Variants in DGKB observed in about 807,000 individuals in gnomAD.
DGKB encodes the protein diacylglycerol kinase beta.
Under a neutral mutation model 114.3 loss-of-function variants are expected in DGKB, and 67 were observed. The observed-to-expected ratio is 0.59, with a 90% CI of 0.48 to 0.72. The LOEUF is 0.72. Ranked by LOEUF, DGKB falls within the 30% of genes least tolerant of loss-of-function variation. The pLI, the probability that DGKB is intolerant of heterozygous loss-of-function variation, is 0.00. For missense variants in DGKB, 907 were observed against 975.2 expected, an observed-to-expected ratio of 0.93 and a Z score of 0.93; for synonymous variants, 398 against 323.1, an observed-to-expected ratio of 1.23 and a Z score of -2.49.
At chr7:14,745,491 C>T (rs1292738449) in intron 4 of DGKB, among the ~76,000 whole-genome samples, 1 of 152,190 alleles carries the variant, frequency 6.6e-6, no homozygotes, top group African/African-American at 2.4e-5. Context: ...CTGACCCACT[C>T]AGGTTATTGA....
chr7:14,929,403 T>C (rs1784895575), intron 1 of DGKB, among the ~76,000 whole-genome samples: 1 of 152,110 alleles, frequency 6.6e-6, no homozygotes, highest in East Asian at 1.9e-4. Context: ...TGTTATTTTT[T>C]GATGTGTTAA....
chr7:14,677,837 A>G (rs937995574), intron 12 of DGKB, among the ~76,000 whole-genome samples: 8 of 152,188 alleles, frequency 5.3e-5, no homozygotes, highest in African/African-American at 1.9e-4. Context: ...ATCAGAAGGC[A>G]GTTTTCCACT....
intron 21 of DGKB, among the ~76,000 whole-genome samples, chr7:14,362,094 A>G (rs1199721600): frequency 6.6e-6 from 1 of 152,044 alleles, no homozygotes; most frequent in African/African-American, 2.4e-5. Context: ...TGAACAGATT[A>G]CAGAGATTAG....
intron 4 of DGKB, among the ~76,000 whole-genome samples, chr7:14,744,554 G>T (rs145511014): frequency 6.6e-6 from 1 of 152,138 alleles, no homozygotes; most frequent in Non-Finnish European, 1.5e-5. Flanking sequence ...GTATTTGAGG[G>T]TGCTAACCCA....
At chr7:14,682,312 T>C (rs989046949) in intron 12 of DGKB, among the ~76,000 whole-genome samples, 1 of 152,066 alleles carries the variant, frequency 6.6e-6, no homozygotes, top group Admixed American at 6.6e-5. Context: ...GAACACAGTT[T>C]AAAAACCATA....
intron 21 of DGKB, among the ~76,000 whole-genome samples, chr7:14,428,116 T>C (rs1364324789): frequency 6.6e-6 from 1 of 152,100 alleles, no homozygotes; most frequent in Non-Finnish European, 1.5e-5. Flanking sequence ...GGCAATTATT[T>C]AATGCCTATT....
intron 17 of DGKB, among the ~76,000 whole-genome samples, chr7:14,595,902 T>A (rs548263664): frequency 6.6e-6 from 1 of 152,250 alleles, no homozygotes; most frequent in Admixed American, 6.5e-5. Context: ...TTTTTAGTAT[T>A]ATTGTTAAAT....
intron 1 of DGKB, among the ~76,000 whole-genome samples, chr7:14,844,643 T>C (rs2128144179): frequency 6.6e-6 from 1 of 152,298 alleles, no homozygotes; most frequent in African/African-American, 2.4e-5. Context: ...TCTCTCCCTT[T>C]CTTAACATGG....
chr7:14,472,370 C>T (rs964547664), intron 21 of DGKB, among the ~76,000 whole-genome samples: 4 of 152,146 alleles, frequency 2.6e-5, no homozygotes, highest in African/African-American at 9.7e-5. Flanking sequence ...TCATTGCCTG[C>T]CACCATCCAC....
At chr7:14,339,591 T>G (rs1811275146) in intron 22 of DGKB, among the ~76,000 whole-genome samples, 1 of 152,070 alleles carries the variant, frequency 6.6e-6, no homozygotes, top group African/African-American at 2.4e-5. Flanking sequence ...TCCATTCATT[T>G]CCACTACTGG....
chr7:14,706,495 C>T (rs1826260413), intron 6 of DGKB, among the ~76,000 whole-genome samples: 1 of 149,688 alleles, frequency 6.7e-6, no homozygotes, highest in Non-Finnish European at 1.5e-5. Context: ...CTCTCCACCC[C>T]AAATCAACAG....
chr7:14,616,362 G>C (rs1806520676), intron 15 of DGKB, among the ~76,000 whole-genome samples: 1 of 151,276 alleles, frequency 6.6e-6, no homozygotes, highest in Non-Finnish European at 1.5e-5. Context: ...ATGTAGTTAG[G>C]TACCAACGTT....
intron 2 of DGKB, among the ~76,000 whole-genome samples, chr7:14,821,832 G>A (rs894673790): frequency 1.3e-5 from 2 of 152,306 alleles, no homozygotes; most frequent in South Asian, 2.1e-4. Flanking sequence ...AGACCAAGAA[G>A]GAGGATCCTG....
chr7:14,508,625 T>G (rs1437283548), intron 20 of DGKB, among the ~76,000 whole-genome samples: 1 of 152,228 alleles, frequency 6.6e-6, no homozygotes, highest in Non-Finnish European at 1.5e-5. Flanking sequence ...CTCTACACCT[T>G]ACTTTTGAGC....
At chr7:14,857,537 G>A (rs1057337658) in intron 1 of DGKB, among the ~76,000 whole-genome samples, 1 of 152,088 alleles carries the variant, frequency 6.6e-6, no homozygotes. Flanking sequence ...GTGGTAATTT[G>A]TTAAAACATA....
At chr7:14,232,496 G>A (rs1283564948) in intron 23 of DGKB, among the ~76,000 whole-genome samples, 3 of 151,230 alleles carry the variant, frequency 2.0e-5, no homozygotes, top group African/African-American at 7.3e-5. Context: ...CCATGCATTT[G>A]CTTTAGGGAA....
intron 1 of DGKB, among the ~76,000 whole-genome samples, chr7:14,889,913 T>C (rs1780920018): frequency 6.6e-6 from 1 of 151,560 alleles, no homozygotes; most frequent in East Asian, 1.9e-4. Flanking sequence ...ATTTTTCTGA[T>C]TGGCCTGGGA....
intron 5 of DGKB, among the ~76,000 whole-genome samples, chr7:14,724,286 T>C (rs1180166162): frequency 2.0e-5 from 3 of 152,216 alleles, no homozygotes; most frequent in Non-Finnish European, 4.4e-5. Context: ...ATTAGTATTG[T>C]CATATATTTC....
At chr7:14,681,855 TC>T (rs1820891065) in intron 12 of DGKB, among the ~76,000 whole-genome samples, 1 of 152,090 alleles carries the variant, frequency 6.6e-6, no homozygotes, top group South Asian at 2.1e-4. Context: ...ATTTATCTCT[TC>T]TTACTTAATT....
Sources: gnomAD v4.1 joint callset for allele counts (sites outside exome capture counted in the v4.1 genomes callset) on GRCh38, gnomAD v4.1.1 for gene constraint, MANE v1.5 for transcripts, NCBI Gene and HGNC (gene_info 2026-07-23, HGNC 2026-07-21) for gene names.